The following TUT1 variants were observed in gnomAD, a reference collection of about 807,000 sequenced individuals.
The protein encoded by TUT1 is speckle targeted PIP5K1A-regulated poly(A) polymerase.
Under a neutral mutation model 48.8 loss-of-function variants are expected in TUT1, and 26 were observed. The ratio of observed to expected loss-of-function variants is 0.53; its 90% CI spans 0.39 to 0.74. TUT1 has a LOEUF of 0.74. Ranked by LOEUF, TUT1 falls within the 30% of genes least tolerant of loss-of-function variation. TUT1 has a pLI of 0.00. For missense variants in TUT1, 1,065 were observed against 1,114.8 expected (o/e 0.96, Z 0.64); for synonymous variants, 470 against 460.8 (o/e 1.02, Z -0.26).
At position 62,575,522 on chromosome 11, in the gene TUT1, C is replaced by T. The variant is rs147326331; in HGVS notation, c.2197G>A (p.Ala733Thr). 254 of 1,613,436 alleles carry T rather than the reference C, an allele frequency of 1.6e-4. 2 individuals are homozygous for T. In the East Asian group the frequency reaches 4.1e-3, roughly 26 times the overall value. The change falls in exon 9 of 9, where the codon GCA becomes ACA. Residue 733 changes from alanine (A) to threonine (T), a missense_variant. By Grantham distance (58) the Ala-to-Thr change is moderately conservative. Coordinates refer to ENST00000476907, the MANE Select transcript of TUT1 (RefSeq NM_022830.3). The part of the protein sequence containing the change: ...APGEEGQPSH[A>T]ALAERGPKGH... ...TTGGGCCCCCGCTCTGCCAGGGCTGCGTGGCTGGGCTGCCCCTCTTCTCCA... is the reference window on the plus strand; with the variant it reads ...TTGGGCCCCCGCTCTGCCAGGGCTGTGTGGCTGGGCTGCCCCTCTTCTCCA...
rs1160108521 is a variant in TUT1, at chr11:62,575,837, T to A, written c.1882A>T (p.Arg628Trp). The A allele has an allele frequency of 5.0e-6, 8 of 1,614,164 alleles. No individual in the cohort carries two copies. The South Asian group carries it at 7.7e-5, about 16-fold the overall frequency. ...QLTAALVQVF[R>W]EALGCHIEQA... is the part of the protein sequence containing the mutation. ...TCTATATGGCACCCCAGTGCTTCCC[T>A]GAATACCTGCACCAGGGCAGCAGTG... Residue 628 changes from arginine to tryptophan, a missense_variant, in exon 9 of 9, where the codon AGG (arginine) becomes TGG (tryptophan). Arg to Trp is a moderately radical substitution (Grantham distance 101). Coordinates refer to ENST00000476907, the MANE Select transcript of TUT1 (RefSeq NM_022830.3).
chr11:62,591,422 G>A lies in TUT1; in HGVS notation c.64C>T (p.His22Tyr), dbSNP rs1444120827. ...CGCTTACGGTTGGCTGTAGTAACGT[G>A]GCAGAGGCAGCAGCGGAACCCCCCA... The part of the protein sequence containing the change: ...PRGGFRCCLC[H>Y]VTTANRPSLD... The change falls in exon 1 of 9, where the codon CAC becomes TAC. Residue 22 changes from histidine to tyrosine, a missense_variant. Transcript: ENST00000476907. 6.2e-7 allele frequency: 1 copy of A among 1,601,116 alleles called. No individual in the cohort carries two copies. The highest frequency in any genetic ancestry group is 1.3e-5 in the African/African-American group (1 of 74,612).
At chr11:62,589,269 T>C (rs1941970721) in intron 1 of TUT1, 48 bp from the exon 2 acceptor site, 2 of 1,576,236 alleles carry the variant, frequency 1.3e-6, no homozygotes, top group Non-Finnish European at 1.7e-6. Context: ...CTCTTCGACG[T>C]GTCTGCCTTT....
chr11:62,577,239 G>T lies in TUT1; in HGVS notation c.1213C>A (p.Arg405=). ...FLSLCSELDG[R]VRPLVYTLRC... ...AGGGTGTACACGAGGGGCCGGACTC[G>T]ACCATCCAGCTCAGAGCAGAGACTC... Residue 405 remains arginine, a synonymous_variant, in exon 6 of 9, where the codon CGA becomes AGA. Transcript: ENST00000476907. The T allele has an allele frequency of 6.2e-6, 10 of 1,611,842 alleles. No individual in the cohort carries two copies. Among genetic ancestry groups the T allele is most frequent in the Non-Finnish European group, 8.5e-6 (10 of 1,179,370 alleles).
Position 62,581,575 on chromosome 11 carries a change from G to C in TUT1, c.400C>G (p.Pro134Ala). Residue 134 changes from proline to alanine, a missense_variant, in exon 3 of 9, where the codon CCG becomes GCG. Physicochemically the swap from Pro to Ala is conservative, Grantham distance 27 (BLOSUM62 -1). Coordinates refer to ENST00000476907, the MANE Select transcript of TUT1 (RefSeq NM_022830.3). Reference sequence around the variant, plus strand: ...GCTCCTTTGGGGGATTTGGAGGCCGGGCTCTGGAACTCCTTCTGCTCCCGT... The same window carrying C: ...GCTCCTTTGGGGGATTTGGAGGCCGCGCTCTGGAACTCCTTCTGCTCCCGT... ...RPREQKEFQS[P>A]ASKSPKGAAP... 1.2e-6 allele frequency: 2 copies of C among 1,611,036 alleles called. No individual in the cohort carries two copies. Among genetic ancestry groups the C allele is most frequent in the Non-Finnish European group, 1.7e-6 (2 of 1,178,372 alleles).
In TUT1 at chr11:62,575,465, C is replaced by T; in HGVS notation, c.2254G>A (p.Gly752Ser). 2 of 1,611,888 alleles carry T rather than the reference C, an allele frequency of 1.2e-6. No individual in the cohort carries two copies. Among genetic ancestry groups the T allele is most frequent in the Non-Finnish European group, 1.7e-6 (2 of 1,180,012 alleles). The stretch of plus-strand genomic sequence containing the variant: ...AGGGATGCCCCCTTCCCTGCCTCAC[C>T]CTGAGACCATTCTTGGGCTGCCTCA... ...GHEAAQEWSQ[G>S]EAGKGASLPS... is the part of the protein sequence containing the mutation. The change falls in exon 9 of 9, where the codon GGT (glycine) becomes AGT (serine). Residue 752 changes from glycine (G) to serine (S), a missense_variant. Gly to Ser is a moderately conservative substitution (Grantham distance 56). Coordinates refer to ENST00000476907, the MANE Select transcript of TUT1 (RefSeq NM_022830.3).
chr11:62,577,112 TTC>T, intron 6 of TUT1, 68 bp downstream of exon 6: 1 of 1,589,920 alleles, frequency 6.3e-7, no homozygotes, highest in Non-Finnish European at 8.6e-7. Flanking sequence ...CTGACCTCCC[TTC>T]TCTCCCTGAA....
intron 1 of TUT1, 174 bp downstream of exon 1, chr11:62,591,230 G>A (rs2134318550): frequency 2.3e-6 from 2 of 862,646 alleles, no homozygotes; most frequent in South Asian, 1.1e-4. Context: ...GTGTAATGTG[G>A]TGGAACTTTC....
In TUT1 at chr11:62,577,232, C is replaced by G. The variant is rs377744327; in HGVS notation, c.1220G>C (p.Arg407Pro). 3.1e-6 allele frequency: 5 copies of G among 1,611,044 alleles called. No homozygotes were observed. The highest frequency in any genetic ancestry group is 4.2e-6 in the Non-Finnish European group (5 of 1,179,108). ...GCAGCGGAGGGTGTACACGAGGGGC[C>G]GGACTCGACCATCCAGCTCAGAGCA... ...SLCSELDGRVRPLVYTLRCWA... is the reference protein window; with the variant it reads ...SLCSELDGRVPPLVYTLRCWA... The change falls in exon 6 of 9, where the codon CGG becomes CCG. Residue 407 changes from arginine (R) to proline (P), a missense_variant. Arg to Pro is a moderately radical substitution (Grantham distance 103, BLOSUM62 -2). Transcript: ENST00000476907.
rs191258788 is a variant in TUT1, at chr11:62,575,582, C to A, written c.2137G>T (p.Asp713Tyr). The A allele has an allele frequency of 6.2e-7, 1 of 1,614,108 alleles. No homozygotes were observed. Among genetic ancestry groups the A allele is most frequent in the East Asian group, 2.2e-5 (1 of 44,876 alleles). The change falls in exon 9 of 9, where the codon GAC (aspartate) becomes TAC (tyrosine). Residue 713 changes from aspartate (D) to tyrosine (Y), a missense_variant. By Grantham distance (160) the Asp-to-Tyr change is radical. Coordinates refer to ENST00000476907, the MANE Select transcript of TUT1 (RefSeq NM_022830.3). ...TGCTTTCCAGTGGTCAGGGGCAGGT[C>A]CCCTGGCTGCCCAGGGCTCTGCATG... ...WAMQSPGQPG[D>Y]LPLTTGKHGA...
chr11:62,581,084 C>T, intron 4 of TUT1, 22 bp downstream of exon 4: 5 of 1,596,206 alleles, frequency 3.1e-6, no homozygotes, highest in African/African-American at 1.3e-5. Context: ...TTCCCAGCTG[C>T]CTCCCTGGGA....
rs545072597 is a variant in TUT1 at position 62,589,283 on chromosome 11, C to G, written c.83-62G>C. On this transcript the variant is annotated intron_variant, in intron 1 of 8. Transcript: ENST00000476907. ...ACTCTTCGACGTGTCTGCCTTTGCT[C>G]TCTGCATACCTAAATCTTACTGATC... 3.4e-6 allele frequency: 5 copies of G among 1,492,300 alleles called. No individual in the cohort carries two copies. In the South Asian group the frequency reaches 6.1e-5, roughly 18 times the overall value. The allele number at this position is 1,492,300 out of a possible 1,614,324, so 92.4% of individuals were successfully genotyped here.
intron 2 of TUT1, among the ~76,000 whole-genome samples, chr11:62,583,550 A>G (rs1463640255): frequency 6.6e-6 from 1 of 152,086 alleles, no homozygotes; most frequent in Admixed American, 6.6e-5. Flanking sequence ...GTGAGCCGAG[A>G]TTGTGCATTG....
At chr11:62,589,933 GA>G (rs1223069207) in intron 1 of TUT1, among the ~76,000 whole-genome samples, 2 of 152,178 alleles carry the variant, frequency 1.3e-5, no homozygotes, top group Non-Finnish European at 2.9e-5. Flanking sequence ...ATATAAAATG[GA>G]AATATCAGTA....
chr11:62,588,726 G>A (rs1242481463), intron 2 of TUT1, among the ~76,000 whole-genome samples: 2 of 152,062 alleles, frequency 1.3e-5, no homozygotes, highest in African/African-American at 2.4e-5. Context: ...ACGGAGTCTT[G>A]CTCTGTAATC....
intron 2 of TUT1, among the ~76,000 whole-genome samples, chr11:62,587,921 AG>A (rs773188509): frequency 2.9e-4 from 44 of 152,256 alleles, no homozygotes; most frequent in Non-Finnish European, 5.0e-4. Context: ...TCCAAAGGAC[AG>A]GGTGTTCTAA....
chr11:62,575,565 A>G lies in TUT1; in HGVS notation c.2154T>C (p.Thr718=). 2 of 1,613,974 alleles carry G rather than the reference A, an allele frequency of 1.2e-6. No homozygotes were observed. The highest frequency in any genetic ancestry group is 1.7e-6 in the Non-Finnish European group (2 of 1,179,990). Residue 718 remains threonine (T), a synonymous_variant, in exon 9 of 9, where the codon ACT becomes ACC. Coordinates refer to ENST00000476907, the MANE Select transcript of TUT1 (RefSeq NM_022830.3). ...CTTCTCCAGGGGCTCCATGCTTTCC[A>G]GTGGTCAGGGGCAGGTCCCCTGGCT... The part of the protein sequence containing the change: ...PGQPGDLPLT[T]GKHGAPGEEG...
At chr11:62,582,272 C>T (rs2134309525) in intron 2 of TUT1, among the ~76,000 whole-genome samples, 1 of 151,998 alleles carries the variant, frequency 6.6e-6, no homozygotes, top group South Asian at 2.1e-4. Flanking sequence ...TGCACCTGGC[C>T]AGTACAATTT....
chr11:62,582,141 C>T (rs531199037), intron 2 of TUT1, among the ~76,000 whole-genome samples: 45 of 152,148 alleles, frequency 3.0e-4, no homozygotes, highest in African/African-American at 1.0e-3. Flanking sequence ...TGCCACCATG[C>T]CCAGCTAATT....
Sources: gnomAD v4.1 joint callset for allele counts (sites outside exome capture counted in the v4.1 genomes callset) on GRCh38, gnomAD v4.1.1 for gene constraint, MANE v1.5 for transcripts, NCBI Gene and HGNC (gene_info 2026-07-23, HGNC 2026-07-21) for gene names.